The following PI15 variants were observed in gnomAD, a reference collection of about 807,000 sequenced individuals.
The protein encoded by PI15 is peptidase inhibitor 15.
A neutral mutation model predicts 31.0 loss-of-function variants in PI15; 18 were observed. The observed-to-expected ratio is 0.58, with a 90% CI of 0.40 to 0.86. The LOEUF (loss-of-function observed/expected upper bound fraction) is 0.86. Ranked by LOEUF, PI15 falls within the 40% of genes least tolerant of loss-of-function variation. The probability of loss-of-function intolerance (pLI) is 0.00; values close to 1 mark genes in which losing one functional copy is unlikely to be tolerated. For missense variants in PI15, 282 were observed against 328.1 expected (o/e 0.86, Z 1.09); for synonymous variants, 118 against 119.1 (o/e 0.99, Z 0.06).
intron 2 of PI15, among the ~76,000 whole-genome samples, chr8:74,828,405 G>C (rs1810730473): frequency 6.6e-6 from 1 of 152,068 alleles, no homozygotes; most frequent in Non-Finnish European, 1.5e-5. Flanking sequence ...TGAGTAAACT[G>C]GTCACTGGGA....
At chr8:74,824,866 T>C (rs1204901838) in intron 1 of PI15, 191 bp downstream of exon 1, 2 of 197,694 alleles carry the variant, frequency 1.0e-5, no homozygotes, top group African/African-American at 4.7e-5. Flanking sequence ...TTCTTCACTC[T>C]CCAGGTGAAT....
chr8:74,845,036 C>T (rs915275909), intron 3 of PI15, 92 bp from the exon 4 acceptor site: 2 of 1,090,978 alleles, frequency 1.8e-6, no homozygotes, highest in African/African-American at 1.5e-5. Flanking sequence ...CATGAATAAT[C>T]TGCAAAAAGA....
At chr8:74,831,989 T>C (rs556521594) in intron 2 of PI15, among the ~76,000 whole-genome samples, 4 of 151,968 alleles carry the variant, frequency 2.6e-5, no homozygotes, top group South Asian at 2.1e-4. Context: ...AGGGTAATCA[T>C]TGAAGGTTTC....
At chr8:74,844,895 A>T in intron 3 of PI15, 1 of 483,752 alleles carries the variant, frequency 2.1e-6, no homozygotes, top group Admixed American at 3.4e-5. Flanking sequence ...ATGACCAGAC[A>T]CATGTTTAGA....
chr8:74,850,771 T>C lies in PI15; in HGVS notation c.*1518T>C, dbSNP rs1408797727. ...TTGGAAATGCAACATTTTCCTATCATGAAATCTCTTTCAGAGAGGAGAATA... is the reference window on the plus strand; with the variant it reads ...TTGGAAATGCAACATTTTCCTATCACGAAATCTCTTTCAGAGAGGAGAATA... On this transcript the variant is annotated 3_prime_UTR_variant, in exon 6 of 6. Transcript: ENST00000260113. The C allele has an allele frequency of 5.3e-5, 8 of 152,204 alleles. No homozygotes were observed. Among genetic ancestry groups the C allele is most frequent in the Non-Finnish European group, 7.4e-5 (5 of 68,016 alleles). 9.4% of individuals were successfully genotyped at this position (152,204 alleles called of 1,614,324 possible). A position where few individuals can be genotyped will look rare whatever the true frequency, so the allele number is the denominator to read the frequency against.
In PI15 at chr8:74,854,622, G is replaced by C. The variant is rs1268627191; in HGVS notation, c.*5369G>C. 6.6e-6 allele frequency: 1 copy of C among 152,068 alleles called. No homozygotes were observed. Among genetic ancestry groups the C allele is most frequent in the Non-Finnish European group, 1.5e-5 (1 of 67,990 alleles). 9.4% of individuals were successfully genotyped at this position (152,068 alleles called of 1,614,324 possible). A position where few individuals can be genotyped will look rare whatever the true frequency, so the allele number is the denominator to read the frequency against. ...ACCTGTTAGCAGTCTTTCAGTTTGG[G>C]GGAGAATTAAATACTGTGCTAAGCT... On this transcript the variant is annotated 3_prime_UTR_variant, in exon 6 of 6. Coordinates refer to ENST00000260113, the MANE Select transcript of PI15 (RefSeq NM_015886.5).
At chr8:74,826,785 A>G (rs565557956) in intron 2 of PI15, among the ~76,000 whole-genome samples, 1 of 152,188 alleles carries the variant, frequency 6.6e-6, no homozygotes, top group Admixed American at 6.5e-5. Context: ...GCCACACAGC[A>G]TTGTTGTGAG....
chr8:74,848,581 G>A (rs1811056951), intron 5 of PI15, among the ~76,000 whole-genome samples: 1 of 151,550 alleles, frequency 6.6e-6, no homozygotes, highest in Non-Finnish European at 1.5e-5. Context: ...TAGAAGGAGA[G>A]AGATTTGAGT....
chr8:74,850,941 G>C lies in PI15; in HGVS notation c.*1688G>C, dbSNP rs910928938. The C allele has an allele frequency of 2.0e-5, 3 of 152,490 alleles. No homozygotes were observed. The highest frequency in any genetic ancestry group is 7.2e-5 in the African/African-American group (3 of 41,438). The allele number at this position is 152,490 out of a possible 1,614,324, so 9.4% of individuals were successfully genotyped here. A position where few individuals can be genotyped will look rare whatever the true frequency, so the allele number is the denominator to read the frequency against. On this transcript the variant is annotated 3_prime_UTR_variant, in exon 6 of 6. Coordinates refer to ENST00000260113, the MANE Select transcript of PI15 (RefSeq NM_015886.5). ...TGCAAATTACAGAAGGAAGCTACTT[G>C]TTTAAAATTCCATACACGTTTGCAG... is the stretch of plus-strand genomic sequence containing the variant.
chr8:74,838,223 C>T (rs1810897015), intron 2 of PI15, among the ~76,000 whole-genome samples: 1 of 151,610 alleles, frequency 6.6e-6, no homozygotes, highest in African/African-American at 2.4e-5. Context: ...AAAAAATTAA[C>T]AGATTTTCTT....
At chr8:74,848,407 T>C (rs1389071454) in intron 5 of PI15, among the ~76,000 whole-genome samples, 2 of 152,150 alleles carry the variant, frequency 1.3e-5, no homozygotes, top group African/African-American at 4.8e-5. Flanking sequence ...TATGATAACT[T>C]ATATTTTGTG....
chr8:74,826,174 G>A (rs572041456), intron 2 of PI15: 10 of 242,396 alleles, frequency 4.1e-5, no homozygotes, highest in African/African-American at 2.3e-4. Context: ...AATAGACAAT[G>A]TTTAAATCAT....
Position 74,853,378 on chromosome 8 carries a change from A to G in PI15, c.*4125A>G, listed in dbSNP as rs539062255. ...GATTCAGAAATATCAATAAAATCCT[A>G]TGTTAAATTAATCTTTACCAAAAAC... On this transcript the variant is annotated 3_prime_UTR_variant, in exon 6 of 6. Transcript: ENST00000260113. The G allele has an allele frequency of 9.2e-5, 14 of 152,692 alleles. No individual in the cohort carries two copies. The South Asian group carries it at 2.9e-3, about 32-fold the overall frequency. 9.5% of individuals were successfully genotyped at this position (152,692 alleles called of 1,614,324 possible).
At chr8:74,839,739 T>C (rs1236387675) in intron 2 of PI15, among the ~76,000 whole-genome samples, 2 of 152,184 alleles carry the variant, frequency 1.3e-5, no homozygotes, top group Non-Finnish European at 2.9e-5. Flanking sequence ...GATAACAATT[T>C]GTTGCATATT....
At chr8:74,827,545 A>C (rs2128763282) in intron 2 of PI15, among the ~76,000 whole-genome samples, 1 of 152,306 alleles carries the variant, frequency 6.6e-6, no homozygotes, top group African/African-American at 2.4e-5. Flanking sequence ...TTTACAAATG[A>C]AATCACTGAG....
Position 74,831,414 on chromosome 8 carries a change from A to C in PI15, c.273+5892A>C, listed in dbSNP as rs1586952547. Among the ~76,000 whole-genome samples, 2 of 152,308 alleles carry C rather than the reference A, an allele frequency of 1.3e-5. 1 individual carries two copies. Among genetic ancestry groups the C allele is most frequent in the African/African-American group, 4.8e-5 (2 of 41,578 alleles). On this transcript the variant is annotated intron_variant, in intron 2 of 5. Coordinates refer to ENST00000260113, the MANE Select transcript of PI15 (RefSeq NM_015886.5). ...CATGTCTGCTCCACAGAGAATATGCAGTGACTACTCAGTAACTATTTGTGG... is the reference window on the plus strand; with the variant it reads ...CATGTCTGCTCCACAGAGAATATGCCGTGACTACTCAGTAACTATTTGTGG...
intron 2 of PI15, among the ~76,000 whole-genome samples, chr8:74,835,947 C>T (rs751292060): frequency 2.6e-5 from 4 of 152,066 alleles, no homozygotes; most frequent in Admixed American, 2.6e-4. Context: ...TTCAATAATC[C>T]AGATAACAAA....
intron 2 of PI15, among the ~76,000 whole-genome samples, chr8:74,841,592 G>A (rs1385273752): frequency 6.6e-6 from 1 of 152,182 alleles, no homozygotes; most frequent in South Asian, 2.1e-4. Flanking sequence ...AGTCCAATAT[G>A]TACAGAATGC....
At chr8:74,828,620 A>G (rs1269430047) in intron 2 of PI15, among the ~76,000 whole-genome samples, 2 of 152,112 alleles carry the variant, frequency 1.3e-5, no homozygotes, top group Non-Finnish European at 2.9e-5. Flanking sequence ...AAGATAGTAG[A>G]ATTCCTAACC....
Sources: allele counts gnomAD v4.1 joint callset (sites outside exome capture counted in the v4.1 genomes callset), GRCh38; gene constraint gnomAD v4.1.1; transcripts MANE v1.5; gene names NCBI Gene and HGNC (gene_info 2026-07-23, HGNC 2026-07-21).